The following DTHD1 variants were observed in gnomAD, a reference collection of about 807,000 sequenced individuals.
DTHD1 encodes death domain containing 1.
DTHD1 carries 59 observed loss-of-function variants against 74.8 expected under a neutral mutation model. The observed-to-expected ratio is 0.79, with a 90% CI of 0.64 to 0.98. DTHD1 has a LOEUF of 0.98. Among genes scored for constraint, DTHD1 ranks in the 50% least tolerant of loss-of-function variants. The probability of loss-of-function intolerance (pLI) is 0.00; values close to 1 mark genes in which losing one functional copy is unlikely to be tolerated. For missense variants in DTHD1, 1,051 were observed against 1,065.4 expected (o/e 0.99, Z 0.19); for synonymous variants, 365 against 371.1 (o/e 0.98, Z 0.19).
rs377609520 is a variant in DTHD1 at position 36,323,734 on chromosome 4, A to G, written c.2340+7248A>G. 7.2e-5 allele frequency among the ~76,000 whole-genome samples: 11 copies of G among 152,208 alleles called. 1 individual carries two copies. The highest frequency in any genetic ancestry group is 3.3e-4 in the Admixed American group (5 of 15,294). On this transcript the variant is annotated intron_variant, in intron 8 of 9. Transcript: ENST00000639862. ...TCCATAACTTAGTGTCATGCTTTCT[A>G]TACTAGAGTTAATTCCAGTAACATG...
chr4:36,295,910 A>G (rs1756367692), intron 5 of DTHD1, among the ~76,000 whole-genome samples: 2 of 152,112 alleles, frequency 1.3e-5, no homozygotes. Context: ...AAGCAATCAT[A>G]AAAAAAGAAA....
chr4:36,319,128 A>G (rs1234751736), intron 8 of DTHD1, among the ~76,000 whole-genome samples: 1 of 152,098 alleles, frequency 6.6e-6, no homozygotes, highest in East Asian at 1.9e-4. Context: ...AACACTCATC[A>G]TTGATATTTT....
intron 8 of DTHD1, among the ~76,000 whole-genome samples, chr4:36,328,748 A>G (rs73806803): frequency 0.11 from 16,153 of 152,216 alleles, 1,908 homozygotes; most frequent in African/African-American, 0.29. Context: ...TGACCACATT[A>G]CTATTGCTAC....
chr4:36,302,049 GC>G (rs1756805633), intron 5 of DTHD1, among the ~76,000 whole-genome samples: 1 of 152,148 alleles, frequency 6.6e-6, no homozygotes, highest in Non-Finnish European at 1.5e-5. Flanking sequence ...GGGTGCGGGG[GC>G]CCACTAAGGT....
At chr4:36,288,524 T>C (rs1048180489) in intron 2 of DTHD1, among the ~76,000 whole-genome samples, 3 of 152,226 alleles carry the variant, frequency 2.0e-5, no homozygotes, top group Admixed American at 6.5e-5. Flanking sequence ...CTTCCACATG[T>C]GGCTTGCCAA....
At chr4:36,321,674 C>A (rs1382140191) in intron 8 of DTHD1, among the ~76,000 whole-genome samples, 2 of 152,166 alleles carry the variant, frequency 1.3e-5, no homozygotes, top group African/African-American at 2.4e-5. Context: ...ATCCCTCCAA[C>A]ATGGAAAAAT....
At chr4:36,283,717 C>T (rs184768857) in intron 1 of DTHD1, 3 of 447,606 alleles carry the variant, frequency 6.7e-6, no homozygotes, top group Admixed American at 3.9e-5. Flanking sequence ...TTTAAATATT[C>T]GAAGTATCTT....
Position 36,316,266 on chromosome 4 carries a change from A to T in DTHD1, c.2120A>T (p.Asp707Val). The T allele has an allele frequency of 6.4e-7, 1 of 1,551,562 alleles. No homozygotes were observed. Among genetic ancestry groups the T allele is most frequent in the Non-Finnish European group, 8.7e-7 (1 of 1,146,926 alleles). The change falls in exon 8 of 10, where the codon GAC (aspartate) becomes GTC (valine). Residue 707 changes from aspartate to valine, a missense_variant. Physicochemically the swap from Asp to Val is radical, Grantham distance 152. Transcript: ENST00000639862. ...GGCAACGGGAAGGATTATGGAAAAG[A>T]CTACACACTTATTTTTCACTTGCAA... ...ASSNGKDYGK[D>V]YTLIFHLQRK... is the part of the protein sequence containing the mutation.
intron 8 of DTHD1, among the ~76,000 whole-genome samples, chr4:36,329,388 G>A (rs1758538609): frequency 6.6e-6 from 1 of 152,136 alleles, no homozygotes; most frequent in African/African-American, 2.4e-5. Flanking sequence ...GTGTTTTTCT[G>A]TTCTATCCAT....
At chr4:36,326,440 G>T (rs1447096710) in intron 8 of DTHD1, among the ~76,000 whole-genome samples, 1 of 148,678 alleles carries the variant, frequency 6.7e-6, no homozygotes, top group African/African-American at 2.5e-5. Flanking sequence ...TTAAATAAAA[G>T]TTTCTTCATT....
At chr4:36,317,798 G>A (rs1006141948) in intron 8 of DTHD1, among the ~76,000 whole-genome samples, 6 of 152,224 alleles carry the variant, frequency 3.9e-5, no homozygotes, top group Non-Finnish European at 7.3e-5. Context: ...GGTACTAATA[G>A]TTGTTCAGAG....
At chr4:36,285,295 G>C (rs1755635371) in intron 2 of DTHD1, among the ~76,000 whole-genome samples, 1 of 152,162 alleles carries the variant, frequency 6.6e-6, no homozygotes, top group Non-Finnish European at 1.5e-5. Flanking sequence ...TAGGGTGTTA[G>C]AAGATTTGGA....
chr4:36,295,593 C>A (rs1756350711), intron 5 of DTHD1, among the ~76,000 whole-genome samples: 1 of 151,688 alleles, frequency 6.6e-6, no homozygotes, highest in Non-Finnish European at 1.5e-5. Flanking sequence ...TTAAAAAAAA[C>A]TTGTAGAAAT....
chr4:36,292,123 C>A (rs1253238694), intron 3 of DTHD1, among the ~76,000 whole-genome samples: 3 of 152,224 alleles, frequency 2.0e-5, no homozygotes, highest in Middle Eastern at 3.4e-3. Context: ...GTTCCTGCAA[C>A]TAATACATTT....
intron 8 of DTHD1, among the ~76,000 whole-genome samples, chr4:36,320,419 A>T (rs920086295): frequency 6.6e-6 from 1 of 152,242 alleles, no homozygotes; most frequent in Non-Finnish European, 1.5e-5. Flanking sequence ...TGCAAACCTT[A>T]CAGTTACTCA....
chr4:36,319,329 T>C (rs1191324825), intron 8 of DTHD1, among the ~76,000 whole-genome samples: 1 of 152,204 alleles, frequency 6.6e-6, no homozygotes, highest in Admixed American at 6.5e-5. Flanking sequence ...CTCCAGATTC[T>C]AAAAGTTTAA....
intron 9 of DTHD1, among the ~76,000 whole-genome samples, chr4:36,342,008 C>T (rs566031490): frequency 7.9e-5 from 12 of 152,144 alleles, no homozygotes; most frequent in African/African-American, 2.4e-4. Flanking sequence ...GCATGAAACA[C>T]GAAGATTGGC....
chr4:36,311,968 C>A (rs1757436419), intron 7 of DTHD1, among the ~76,000 whole-genome samples: 1 of 152,142 alleles, frequency 6.6e-6, no homozygotes, highest in Admixed American at 6.6e-5. Flanking sequence ...ATATGAATGA[C>A]TTTTCAGTGA....
chr4:36,310,078 C>T (rs964578740), intron 7 of DTHD1, among the ~76,000 whole-genome samples: 1 of 152,200 alleles, frequency 6.6e-6, no homozygotes, highest in Non-Finnish European at 1.5e-5. Context: ...ATATGTACCA[C>T]ATTTTCTTTA....
Sources: allele counts gnomAD v4.1 joint callset (sites outside exome capture counted in the v4.1 genomes callset), GRCh38; gene constraint gnomAD v4.1.1; transcripts MANE v1.5; gene names NCBI Gene and HGNC (gene_info 2026-07-23, HGNC 2026-07-21).